Variants in NAALADL2 observed in about 807,000 individuals in gnomAD.
NAALADL2 encodes the protein N-acetylated alpha-linked acidic dipeptidase like 2, also known as inactive N-acetylated-alpha-linked acidic dipeptidase-like protein 2.
In NAALADL2, 76 loss-of-function variants were observed where a neutral mutation model predicts 87.2. The observed-to-expected ratio is 0.87, with a 90% confidence interval of 0.72 to 1.05. The LOEUF (loss-of-function observed/expected upper bound fraction) is 1.05. Ranked by LOEUF, NAALADL2 falls within the 50% of genes least tolerant of loss-of-function variation. The pLI is 0.00. For synonymous variants in NAALADL2, 354 were observed against 331.0 expected (o/e 1.07, Z -0.75); for missense variants, 1,089 against 945.8 (o/e 1.15, Z -1.99).
chr3:174,656,655 A>G (rs896942201), intron 2 of NAALADL2, among the ~76,000 whole-genome samples: 1 of 152,218 alleles, frequency 6.6e-6, no homozygotes, highest in Non-Finnish European at 1.5e-5. Flanking sequence ...AAGCAGGTCA[A>G]TATGGTCTTT....
rs201261597 is a variant in NAALADL2, at chr3:175,471,628, T to A, written c.1534-11T>A. 2 of 1,333,484 alleles carry A rather than the reference T, an allele frequency of 1.5e-6. No homozygotes were observed. The highest frequency in any genetic ancestry group is 2.1e-6 in the Non-Finnish European group (2 of 960,022). 82.6% of individuals were successfully genotyped at this position (1,333,484 alleles called of 1,614,324 possible). A position where few individuals can be genotyped will look rare whatever the true frequency, so the allele number is the denominator to read the frequency against. The stretch of plus-strand genomic sequence containing the variant: ...TCTTACAGATAGATCCTTTTTTTTT[T>A]GTTATTTCAGGATTTCAAGAAGGTT... On this transcript the variant is annotated splice_polypyrimidine_tract_variant and intron_variant, in intron 8 of 13. Transcript: ENST00000454872.
At chr3:174,841,077 AAAAAG>A (rs143088403) in intron 3 of NAALADL2, among the ~76,000 whole-genome samples, 2,526 of 152,226 alleles carry the variant, frequency 0.017, 69 homozygotes, top group African/African-American at 0.058. Flanking sequence ...AAGAAAGAGA[AAAAAG>A]AAAAGAAAGA....
At chr3:175,720,518 G>A (rs1742088359) in intron 11 of NAALADL2, among the ~76,000 whole-genome samples, 1 of 152,014 alleles carries the variant, frequency 6.6e-6, no homozygotes, top group African/African-American at 2.4e-5. Context: ...CTAAATTCCA[G>A]AATAAGAGAC....
chr3:174,615,884 G>T (rs569570443), intron 2 of NAALADL2, among the ~76,000 whole-genome samples: 52 of 151,946 alleles, frequency 3.4e-4, no homozygotes, highest in African/African-American at 1.1e-3. Context: ...ATTAATTCAG[G>T]TTGTAGCACT....
intron 1 of NAALADL2, among the ~76,000 whole-genome samples, chr3:174,450,869 C>CAAAAAAA (rs761513802): frequency 8.3e-4 from 62 of 74,852 alleles, no homozygotes; most frequent in Non-Finnish European, 1.3e-3. Context: ...GACTCTGTCT[C>CAAAAAAA]AAAAAAAAAA....
intron 10 of NAALADL2, among the ~76,000 whole-genome samples, chr3:175,604,297 A>C (rs914543260): frequency 7.8e-6 from 1 of 127,710 alleles, no homozygotes; most frequent in Non-Finnish European, 1.6e-5. Context: ...ATGACATTGA[A>C]ATTTTTTTTT....
At chr3:174,943,703 C>T (rs1738963133) in intron 1 of NAALADL2, among the ~76,000 whole-genome samples, 2 of 152,152 alleles carry the variant, frequency 1.3e-5, no homozygotes, top group African/African-American at 2.4e-5. Flanking sequence ...GTTATTGGCC[C>T]CAGCCAGGGG....
chr3:175,632,272 C>CTCTCTCTCTCTA (rs1727882082), intron 11 of NAALADL2, among the ~76,000 whole-genome samples: 1 of 69,222 alleles, frequency 1.4e-5, no homozygotes, highest in African/African-American at 1.4e-4. Flanking sequence ...CCCCTTCTCT[C>CTCTCTCTCTCTA]TCTCTCTCTC....
rs115777494 is a variant in NAALADL2, at chr3:175,721,058, C to T, written c.1897-16248C>T. On this transcript the variant is annotated intron_variant, in intron 11 of 13. Transcript: ENST00000454872. ...AAGAAAACCACACTAATAAGAATTA[C>T]TAGAAAATATCAGACAATGTAAGAG... Among the ~76,000 whole-genome samples, 701 of 152,054 alleles carry T rather than the reference C, an allele frequency of 4.6e-3. 2 individuals are homozygous for T. The highest frequency in any genetic ancestry group is 0.031 in the Middle Eastern group (9 of 294).
intron 1 of NAALADL2, among the ~76,000 whole-genome samples, chr3:174,893,820 A>G (rs1731163859): frequency 6.6e-6 from 1 of 152,168 alleles, no homozygotes; most frequent in African/African-American, 2.4e-5. Context: ...AGACCACAAA[A>G]CAGCCAGAAA....
chr3:174,865,198 T>A (rs796487266), intron 1 of NAALADL2, among the ~76,000 whole-genome samples: 2 of 151,890 alleles, frequency 1.3e-5, no homozygotes, highest in Non-Finnish European at 2.9e-5. Flanking sequence ...CAAAAAAAAA[T>A]AATAAAGTTA....
intron 1 of NAALADL2, among the ~76,000 whole-genome samples, chr3:175,013,120 A>ATGTAT (rs1448129264): frequency 0.084 from 516 of 6,168 alleles, 6 homozygotes; most frequent in Middle Eastern, 0.17. Flanking sequence ...ATATATAAAT[A>ATGTAT]TACATATTTA....
chr3:174,945,785 C>T (rs920440436), intron 1 of NAALADL2, among the ~76,000 whole-genome samples: 6 of 152,118 alleles, frequency 3.9e-5, no homozygotes, highest in African/African-American at 4.8e-5. Flanking sequence ...AGGTGGCTCA[C>T]GCCTGTAATC....
At chr3:175,170,364 CAA>C (rs1734620696) in intron 2 of NAALADL2, among the ~76,000 whole-genome samples, 1 of 148,906 alleles carries the variant, frequency 6.7e-6, no homozygotes, top group Non-Finnish European at 1.5e-5. Flanking sequence ...TTTTATATAA[CAA>C]AAATTGTCAT....
rs375605655 is a variant in NAALADL2 at position 175,176,490 on chromosome 3, C to T, written c.546-57441C>T. ...AGAATAATGGTTCCCAATTGATGGC[C>T]ACATTCTAACCCCTGTAACCTGTGA... On this transcript the variant is annotated intron_variant, in intron 2 of 13. Coordinates refer to ENST00000454872, the MANE Select transcript of NAALADL2 (RefSeq NM_207015.3). Among the ~76,000 whole-genome samples, 11 of 152,134 alleles carry T rather than the reference C, an allele frequency of 7.2e-5. No individual in the cohort carries two copies. The East Asian group carries it at 9.7e-4, about 13-fold the overall frequency.
intron 1 of NAALADL2, among the ~76,000 whole-genome samples, chr3:175,015,393 T>TTCTG (rs1750679442): frequency 6.6e-6 from 1 of 152,146 alleles, no homozygotes; most frequent in Non-Finnish European, 1.5e-5. Context: ...GAAAAGCCTG[T>TTCTG]TCTGCCATTA....
intron 1 of NAALADL2, among the ~76,000 whole-genome samples, chr3:174,924,692 T>C (rs1735733205): frequency 6.6e-6 from 1 of 152,154 alleles, no homozygotes. Flanking sequence ...TGTAGAAGTG[T>C]TCCTATTTGT....
chr3:175,266,416 T>A (rs1411254555), intron 4 of NAALADL2, among the ~76,000 whole-genome samples: 2 of 151,598 alleles, frequency 1.3e-5, no homozygotes, highest in East Asian at 3.9e-4. Flanking sequence ...AATAGAAGAC[T>A]TAAATTTTGC....
intron 1 of NAALADL2, among the ~76,000 whole-genome samples, chr3:174,515,082 A>G (rs1418349594): frequency 2.0e-5 from 3 of 152,190 alleles, no homozygotes; most frequent in Non-Finnish European, 4.4e-5. Context: ...TAGTGAAGCA[A>G]TATTATCAGG....
Sources: gnomAD v4.1 joint callset for allele counts (sites outside exome capture counted in the v4.1 genomes callset) on GRCh38, gnomAD v4.1.1 for gene constraint, MANE v1.5 for transcripts, NCBI Gene and HGNC (gene_info 2026-07-23, HGNC 2026-07-21) for gene names.